The following RBFOX3 variants were observed in gnomAD, a reference collection of about 807,000 sequenced individuals.
RBFOX3 encodes the protein RNA binding fox-1 homolog 3, also known as RNA binding protein fox-1 homolog 3.
Under a neutral mutation model 48.7 loss-of-function variants are expected in RBFOX3, and 17 were observed. That is an observed-to-expected ratio of 0.35 (90% CI 0.24 to 0.52). The LOEUF (loss-of-function observed/expected upper bound fraction) is 0.52, where lower values mean the gene tolerates loss of function less well. Among genes scored for constraint, RBFOX3 ranks in the 20% least tolerant of loss-of-function variants. The pLI, the probability that RBFOX3 is intolerant of heterozygous loss-of-function variation, is 0.94. For missense variants in RBFOX3, 382 were observed against 497.5 expected (o/e 0.77, Z 2.21); for synonymous variants, 212 against 209.5 (o/e 1.01, Z -0.10).
rs1035475759 is a variant in RBFOX3, at chr17:79,585,841, C to T, written c.-320+24985G>A. Among the ~76,000 whole-genome samples the T allele has an allele frequency of 1.1e-4, 17 of 152,290 alleles. No homozygotes were observed. In the South Asian group the frequency reaches 3.5e-3, roughly 32 times the overall value. Reference sequence around the variant, plus strand: ...AGAGAAAGTGAAAGGTTAGGATGGGCTCCGTGGGGCCGGGCAGTGAGCTGA... The same window carrying T: ...AGAGAAAGTGAAAGGTTAGGATGGGTTCCGTGGGGCCGGGCAGTGAGCTGA... On this transcript the variant is annotated intron_variant, in intron 1 of 14. Coordinates refer to ENST00000693108, the MANE Select transcript of RBFOX3 (RefSeq NM_001350451.2).
intron 4 of RBFOX3, among the ~76,000 whole-genome samples, chr17:79,229,558 CAA>C (rs11435725): frequency 1.6e-3 from 82 of 50,666 alleles, no homozygotes; most frequent in African/African-American, 5.0e-3. Flanking sequence ...GACTCCATCT[CAA>C]AAAAAAAAAA....
intron 9 of RBFOX3, among the ~76,000 whole-genome samples, chr17:79,100,573 C>T (rs1394455527): frequency 2.0e-5 from 3 of 152,104 alleles, no homozygotes; most frequent in Non-Finnish European, 4.4e-5. Context: ...TCACCTGACT[C>T]CACGTATGGC....
At position 79,145,579 on chromosome 17, in the gene RBFOX3, G is replaced by A. The variant is rs140794435; in HGVS notation, c.-33-29831C>T. On this transcript the variant is annotated intron_variant, in intron 4 of 14. Transcript: ENST00000693108. ...CTCTGAGAGGGGGCCCCGCCCCACC[G>A]CCCTGGCCTTCCTTCTGGGGGCGCA... Among the ~76,000 whole-genome samples, 326 of 152,310 alleles carry A rather than the reference G, an allele frequency of 2.1e-3. 1 individual carries two copies. Among genetic ancestry groups the A allele is most frequent in the Non-Finnish European group, 3.9e-3 (263 of 68,026 alleles).
chr17:79,171,576 C>T (rs546774828), intron 4 of RBFOX3, among the ~76,000 whole-genome samples: 19 of 152,276 alleles, frequency 1.2e-4, no homozygotes, highest in African/African-American at 4.6e-4. Context: ...TGCACTAGAT[C>T]TCTGGTTTCC....
chr17:79,158,273 T>C (rs898873375), intron 4 of RBFOX3, among the ~76,000 whole-genome samples: 4 of 152,230 alleles, frequency 2.6e-5, no homozygotes, highest in South Asian at 2.1e-4. Context: ...CTGTTGTTTA[T>C]GCCACCTGGT....
chr17:79,589,516 G>A (rs1224942571), intron 1 of RBFOX3, among the ~76,000 whole-genome samples: 6 of 152,304 alleles, frequency 3.9e-5, no homozygotes, highest in East Asian at 3.9e-4. Flanking sequence ...CTGAGGTCCC[G>A]GAGGTTAGGA....
intron 4 of RBFOX3, among the ~76,000 whole-genome samples, chr17:79,128,263 GC>G (rs1380355545): frequency 6.6e-6 from 1 of 152,226 alleles, no homozygotes; most frequent in Non-Finnish European, 1.5e-5. Context: ...TTGAGCATTT[GC>G]TTCAGTGACT....
intron 3 of RBFOX3, among the ~76,000 whole-genome samples, chr17:79,284,489 G>T (rs962649478): frequency 2.0e-5 from 3 of 151,330 alleles, no homozygotes; most frequent in Non-Finnish European, 4.4e-5. Flanking sequence ...GGAGCTGAAG[G>T]CTCAGAGCAG....
intron 3 of RBFOX3, among the ~76,000 whole-genome samples, chr17:79,266,077 C>G (rs1254897508): frequency 6.6e-6 from 1 of 152,278 alleles, no homozygotes; most frequent in Non-Finnish European, 1.5e-5. Flanking sequence ...TCTGCTCCAG[C>G]CTTCCCGCCC....
chr17:79,173,879 G>C (rs1470857871), intron 4 of RBFOX3, among the ~76,000 whole-genome samples: 1 of 143,104 alleles, frequency 7.0e-6, no homozygotes, highest in Non-Finnish European at 1.5e-5. Context: ...TGAGTACAGA[G>C]CTTTGCACAC....
At chr17:79,460,929 T>C (rs1377048166) in intron 2 of RBFOX3, among the ~76,000 whole-genome samples, 1 of 152,238 alleles carries the variant, frequency 6.6e-6, no homozygotes, top group African/African-American at 2.4e-5. Flanking sequence ...CAGAATGGAC[T>C]AAAACAGTGT....
intron 2 of RBFOX3, among the ~76,000 whole-genome samples, chr17:79,466,208 T>C (rs1479269840): frequency 6.6e-6 from 1 of 152,078 alleles, no homozygotes; most frequent in Non-Finnish European, 1.5e-5. Context: ...GCCTCCTCCC[T>C]CCTCTAGCCT....
At chr17:79,376,252 T>G (rs930570416) in intron 2 of RBFOX3, among the ~76,000 whole-genome samples, 2 of 152,290 alleles carry the variant, frequency 1.3e-5, no homozygotes, top group African/African-American at 2.4e-5. Context: ...ATCGACTGGT[T>G]GGAATGAAAT....
At chr17:79,250,963 C>A (rs1204042166) in intron 3 of RBFOX3, among the ~76,000 whole-genome samples, 2 of 152,078 alleles carry the variant, frequency 1.3e-5, no homozygotes, top group Non-Finnish European at 2.9e-5. Context: ...TACGTGCCAC[C>A]AAGCCCGGCT....
chr17:79,342,297 T>C (rs1372474012), intron 2 of RBFOX3, among the ~76,000 whole-genome samples: 1 of 152,238 alleles, frequency 6.6e-6, no homozygotes. Context: ...CCGCCTTTTC[T>C]TTTTCCCAAC....
In RBFOX3 at chr17:79,473,653, G is replaced by A. The variant is rs1048668145; in HGVS notation, c.-175+8801C>T. ...ATCCTGATGAACCCCCGCTGGTGACGGCAGGTGGCCACACCCTGCAAGCTC... is the reference window on the plus strand; with the variant it reads ...ATCCTGATGAACCCCCGCTGGTGACAGCAGGTGGCCACACCCTGCAAGCTC... On this transcript the variant is annotated intron_variant, in intron 2 of 14. Coordinates refer to ENST00000693108, the MANE Select transcript of RBFOX3 (RefSeq NM_001350451.2). The surrounding 1 kb of genome is among the most constrained non-coding windows in gnomAD (Gnocchi z 4.2). 2.0e-3 allele frequency among the ~76,000 whole-genome samples: 310 copies of A among 152,198 alleles called. 1 individual carries two copies. The highest frequency in any genetic ancestry group is 7.1e-3 in the African/African-American group (294 of 41,524).
At chr17:79,660,109 C>T in the RBFOX3 span, among the ~76,000 whole-genome samples, 4 of 152,072 alleles carry the variant, frequency 2.6e-5, no homozygotes, top group Non-Finnish European at 5.9e-5. Context: ...ATCACTTGAC[C>T]CTGGAAGGCA....
the RBFOX3 span, among the ~76,000 whole-genome samples, chr17:79,633,263 C>T: frequency 7.9e-5 from 12 of 152,382 alleles, no homozygotes; most frequent in East Asian, 5.8e-4. Flanking sequence ...GCAAAGTGGC[C>T]GCCAGAAGAC....
At chr17:79,091,928 T>A (rs1234371076) in intron 14 of RBFOX3, 1 of 981,454 alleles carries the variant, frequency 1.0e-6, no homozygotes, top group Non-Finnish European at 1.2e-6. Flanking sequence ...GACACGCTTG[T>A]GACTACGTCG....
Sources: allele counts gnomAD v4.1 joint callset (sites outside exome capture counted in the v4.1 genomes callset), GRCh38; gene constraint gnomAD v4.1.1; non-coding constraint Gnocchi (gnomAD v3.1); transcripts MANE v1.5; gene names NCBI Gene and HGNC (gene_info 2026-07-23, HGNC 2026-07-21).